Variants in ARHGEF18 observed in about 807,000 individuals in gnomAD.
The protein encoded by ARHGEF18 is Rho/Rac guanine nucleotide exchange factor 18.
A neutral mutation model predicts 155.7 loss-of-function variants in ARHGEF18; 93 were observed. The observed-to-expected ratio is 0.60, with a 90% CI of 0.50 to 0.71. ARHGEF18 has a LOEUF of 0.71. Among genes scored for constraint, ARHGEF18 ranks in the 30% least tolerant of loss-of-function variants. ARHGEF18 has a pLI of 0.00. For synonymous variants in ARHGEF18, 742 were observed against 753.1 expected (o/e 0.99, Z 0.24); for missense variants, 1,593 against 1,816.1 (o/e 0.88, Z 2.23).
In ARHGEF18 at chr19:7,407,007, G is replaced by A. The variant is rs140456916; in HGVS notation, c.967+23804G>A. Among the ~76,000 whole-genome samples, 1,406 of 149,902 alleles carry A rather than the reference G, an allele frequency of 9.4e-3. 15 individuals carry two copies. Among genetic ancestry groups the A allele is most frequent in the African/African-American group, 0.021 (845 of 40,538 alleles). On this transcript the variant is annotated intron_variant, in intron 10 of 28. Transcript: ENST00000668164. ...ATGAACCCGGGAAGCAGAGCTTGCA[G>A]TGAGCGGAGATCGTGCCACTGCACT...
chr19:7,356,249 G>T (rs1969298170), intron 1 of ARHGEF18, among the ~76,000 whole-genome samples: 1 of 150,778 alleles, frequency 6.6e-6, no homozygotes, highest in African/African-American at 2.4e-5. Context: ...GTGAACTGTT[G>T]TTGCAAAGAG....
chr19:7,403,573 G>A (rs1413677692), intron 10 of ARHGEF18, among the ~76,000 whole-genome samples: 5 of 136,304 alleles, frequency 3.7e-5, no homozygotes, highest in African/African-American at 1.4e-4. Flanking sequence ...TTTTTGAGAC[G>A]GTCTTGCTCT....
chr19:7,350,680 G>T (rs1011778886), intron 1 of ARHGEF18, among the ~76,000 whole-genome samples: 7 of 152,146 alleles, frequency 4.6e-5, no homozygotes, highest in Admixed American at 4.6e-4. Context: ...CAGTTCCCTG[G>T]CCTCTATGTG....
At chr19:7,385,818 GATCT>G (rs1213509773) in intron 10 of ARHGEF18, among the ~76,000 whole-genome samples, 1 of 97,624 alleles carries the variant, frequency 1.0e-5, no homozygotes, top group Non-Finnish European at 1.9e-5. Context: ...TTAGAGATAG[GATCT>G]ATCTCTCTCT....
At chr19:7,454,576 A>G (rs62109838) in intron 17 of ARHGEF18, among the ~76,000 whole-genome samples, 49,819 of 151,980 alleles carry the variant, frequency 0.33, 8,609 homozygotes, top group Middle Eastern at 0.5. Context: ...GTGGGTGTCA[A>G]CTGACACAGA....
chr19:7,387,327 T>C (rs1971140131), intron 10 of ARHGEF18, among the ~76,000 whole-genome samples: 1 of 151,800 alleles, frequency 6.6e-6, no homozygotes. Flanking sequence ...TAATTTTTTG[T>C]ATTTTTAGTA....
chr19:7,462,095 A>G lies in ARHGEF18; in HGVS notation c.2453-57A>G, dbSNP rs970051244. On this transcript the variant is annotated intron_variant, in intron 20 of 28. Coordinates refer to ENST00000668164, the MANE Select transcript of ARHGEF18 (RefSeq NM_001367823.1). This position sits in a 1 kb window ranked among gnomAD's most constrained non-coding sequence, Gnocchi z 4.4. ...ATCCTTAGGCCAGTCCCCGGGGCTC[A>G]GATGATTCCAGGGAAGGCCGACCCG... 6 of 1,608,184 alleles carry G rather than the reference A, an allele frequency of 3.7e-6. No individual in the cohort carries two copies. The African/African-American group carries it at 8.0e-5, about 21-fold the overall frequency.
intron 2 of ARHGEF18, among the ~76,000 whole-genome samples, chr19:7,367,840 T>TACACACATATATATA (rs71177201): frequency 2.9e-5 from 1 of 34,408 alleles, no homozygotes; most frequent in African/African-American, 9.4e-5. Flanking sequence ...CATATATATA[T>TACACACATATATATA]TTTATATATA....
intron 2 of ARHGEF18, among the ~76,000 whole-genome samples, chr19:7,371,381 G>GA (rs1970198353): frequency 6.6e-6 from 1 of 152,122 alleles, no homozygotes; most frequent in African/African-American, 2.4e-5. Context: ...ACTGGACACT[G>GA]AAAAATGGTT....
rs1974530147 is a variant in ARHGEF18 at position 7,440,088 on chromosome 19, GC to G, written c.968-252del. ...GCCTGGCGCCGCGCCGGGTCCCGGA[GC>G]CCCGGGCGCGAACATGGGGAATGCG... is the stretch of plus-strand genomic sequence containing the variant. On this transcript the variant is annotated intron_variant, in intron 10 of 28. Transcript: ENST00000668164. This position sits in a 1 kb window ranked among gnomAD's most constrained non-coding sequence, Gnocchi z 5.4. The G allele has an allele frequency of 6.5e-7, 1 of 1,550,288 alleles. No homozygotes were observed. Among genetic ancestry groups the G allele is most frequent in the Admixed American group, 2.0e-5 (1 of 50,938 alleles).
intron 2 of ARHGEF18, among the ~76,000 whole-genome samples, chr19:7,365,482 A>G (rs899457287): frequency 3.3e-5 from 5 of 152,188 alleles, no homozygotes; most frequent in Non-Finnish European, 5.9e-5. Flanking sequence ...GTCCCGGGTA[A>G]AGGATCACAG....
rs769636743 is a variant in ARHGEF18, at chr19:7,467,658, G to A, written c.3454G>A (p.Ala1152Thr). The change falls in exon 26 of 29, where the codon GCG becomes ACG. Residue 1152 changes from alanine (A) to threonine (T), a missense_variant. Ala to Thr is a moderately conservative substitution (Grantham distance 58). Coordinates refer to ENST00000668164, the MANE Select transcript of ARHGEF18 (RefSeq NM_001367823.1). Reference sequence around the variant, plus strand: ...CAAGAAGCAGAACACCGCGCCAGGCGCGCTGCCGCCCGACACACTGGCCGA... The same window carrying A: ...CAAGAAGCAGAACACCGCGCCAGGCACGCTGCCGCCCGACACACTGGCCGA... Reference protein sequence around the residue: ...RLKKQNTAPGALPPDTLAEAQ... With the variant: ...RLKKQNTAPGTLPPDTLAEAQ... The A allele has an allele frequency of 1.3e-6, 2 of 1,513,312 alleles. No individual in the cohort carries two copies. The highest frequency in any genetic ancestry group is 2.4e-5 in the South Asian group (2 of 81,784). 93.7% of individuals were successfully genotyped at this position (1,513,312 alleles called of 1,614,324 possible).
At chr19:7,439,281 C>CCCG (rs1555720493) in intron 10 of ARHGEF18, among the ~76,000 whole-genome samples, 26 of 23,476 alleles carry the variant, frequency 1.1e-3, no homozygotes, top group African/African-American at 6.0e-3. Context: ...CATAGTGAGA[C>CCCG]CCCCCCCCAA....
intron 10 of ARHGEF18, among the ~76,000 whole-genome samples, chr19:7,425,111 T>C (rs182330458): frequency 1.3e-5 from 2 of 152,288 alleles, no homozygotes; most frequent in Admixed American, 6.5e-5. Flanking sequence ...TCTTTGCAGA[T>C]GAAGAGTTTG....
Position 7,467,363 on chromosome 19 carries a change from C to G in ARHGEF18, c.3159C>G (p.Arg1053=), listed in dbSNP as rs1319564576. 2.6e-6 allele frequency: 4 copies of G among 1,534,618 alleles called. No homozygotes were observed. The Admixed American group carries it at 7.9e-5, about 30-fold the overall frequency. Reference sequence around the variant, plus strand: ...ACTTCGAGAAGCAGCGGGAGGAGCGCGCGGCCCTGGAGAAGCTGCAGAGCC... The same window carrying G: ...ACTTCGAGAAGCAGCGGGAGGAGCGGGCGGCCCTGGAGAAGCTGCAGAGCC... ...QRNFEKQREE[R]AALEKLQSQL... The change falls in exon 26 of 29, where the codon CGC becomes CGG. Residue 1053 remains arginine (R), a synonymous_variant. Transcript: ENST00000668164.
At chr19:7,459,276 C>T (rs1434008283) in intron 19 of ARHGEF18, among the ~76,000 whole-genome samples, 7 of 152,060 alleles carry the variant, frequency 4.6e-5, no homozygotes, top group African/African-American at 1.4e-4. Context: ...GGCTGGAGTG[C>T]GCTGGCACAA....
At chr19:7,388,692 T>C (rs1971215510) in intron 10 of ARHGEF18, among the ~76,000 whole-genome samples, 1 of 151,922 alleles carries the variant, frequency 6.6e-6, no homozygotes, top group Admixed American at 6.6e-5. Flanking sequence ...GCCATTCTCC[T>C]GCCTCAGCCT....
At chr19:7,415,133 AG>A (rs1206840106) in intron 10 of ARHGEF18, among the ~76,000 whole-genome samples, 1 of 152,192 alleles carries the variant, frequency 6.6e-6, no homozygotes, top group East Asian at 1.9e-4. Flanking sequence ...CTTTCAACAA[AG>A]CTGGACCCAA....
intron 13 of ARHGEF18, among the ~76,000 whole-genome samples, chr19:7,443,038 G>A (rs902220816): frequency 2.7e-5 from 4 of 148,200 alleles, no homozygotes; most frequent in Non-Finnish European, 5.9e-5. Context: ...GACAGTGCCT[G>A]CCACCATGCC....
Sources: allele counts gnomAD v4.1 joint callset (sites outside exome capture counted in the v4.1 genomes callset), GRCh38; gene constraint gnomAD v4.1.1; non-coding constraint Gnocchi (gnomAD v3.1); transcripts MANE v1.5; gene names NCBI Gene and HGNC (gene_info 2026-07-23, HGNC 2026-07-21).